ANAPC7: variants seen among roughly 807,000 people sequenced by gnomAD.
The protein encoded by ANAPC7 is anaphase-promoting complex subunit 7.
A neutral mutation model predicts 63.3 loss-of-function variants in ANAPC7; 25 were observed. That is an observed-to-expected ratio of 0.39 (90% CI 0.29 to 0.55). ANAPC7 has a LOEUF of 0.55. ANAPC7 is among the 20% of genes least tolerant of loss of function. The pLI is 0.57. For missense variants in ANAPC7, 516 were observed against 691.7 expected, an observed-to-expected ratio of 0.75 and a Z score of 2.85; for synonymous variants, 241 against 251.7, an observed-to-expected ratio of 0.96 and a Z score of 0.40.
At chr12:110,397,979 CT>C (rs1032471487) in intron 1 of ANAPC7, among the ~76,000 whole-genome samples, 1 of 152,100 alleles carries the variant, frequency 6.6e-6, no homozygotes, top group African/African-American at 2.4e-5. Flanking sequence ...AGCTCAGTAG[CT>C]TGCACCTGTA....
intron 1 of ANAPC7, among the ~76,000 whole-genome samples, chr12:110,401,752 G>C (rs1422730343): frequency 6.6e-6 from 1 of 151,976 alleles, no homozygotes; most frequent in Non-Finnish European, 1.5e-5. Flanking sequence ...TTGGGAGGCC[G>C]AGGCGGGCGG....
At chr12:110,388,326 C>A (rs1224253363) in intron 4 of ANAPC7, among the ~76,000 whole-genome samples, 186 bp downstream of exon 4, 2 of 152,116 alleles carry the variant, frequency 1.3e-5, no homozygotes, top group Non-Finnish European at 2.9e-5. Context: ...TGTAAGCCAC[C>A]ATGCCCGGCC....
chr12:110,401,564 G>A (rs1228803834), intron 1 of ANAPC7, among the ~76,000 whole-genome samples: 1 of 152,094 alleles, frequency 6.6e-6, no homozygotes, highest in Non-Finnish European at 1.5e-5. Flanking sequence ...AAGTACAAGG[G>A]CCCAGAGTAG....
rs1365673474 is a variant in ANAPC7, at chr12:110,381,948, G to A, written c.936C>T (p.Gly312=). ...DQHAEPWVVS[G]CHSFYSKRYS... ...AGCGTTTGCTATAGAAGCTGTGACA[G>A]CTGGAGAAAAAAAAAAAAAAAAAAA... Residue 312 remains glycine, a splice_region_variant and synonymous_variant, in exon 8 of 11, where the codon GGC becomes GGT. Coordinates refer to ENST00000455511, the MANE Select transcript of ANAPC7 (RefSeq NM_016238.3). 2 of 825,780 alleles carry A rather than the reference G, an allele frequency of 2.4e-6. No individual in the cohort carries two copies. Among genetic ancestry groups the A allele is most frequent in the Non-Finnish European group, 3.3e-6 (2 of 603,022 alleles). 51.2% of individuals were successfully genotyped at this position (825,780 alleles called of 1,614,324 possible).
At position 110,395,212 on chromosome 12, in the gene ANAPC7, T is replaced by C. The variant is rs1171215472; in HGVS notation, c.297A>G (p.Pro99=). ...SASTPQSQCL[P]SEIEVKYKMA... is the part of the protein sequence containing the mutation. ...TTTTGTATTTCACTTCAATTTCAGA[T>C]GGAAGACACTAAAAGACAATGGAAA... is the stretch of plus-strand genomic sequence containing the variant. Residue 99 remains proline, a synonymous_variant, in exon 3 of 11, where the codon CCA becomes CCG. Transcript: ENST00000455511. 1.2e-6 allele frequency: 2 copies of C among 1,610,850 alleles called. No homozygotes were observed. Among genetic ancestry groups the C allele is most frequent in the East Asian group, 2.2e-5 (1 of 44,852 alleles).
intron 1 of ANAPC7, 80 bp from the exon 2 acceptor site, chr12:110,396,532 A>T: frequency 8.8e-7 from 1 of 1,134,554 alleles, no homozygotes. Flanking sequence ...TTTTTTTGAA[A>T]TAGATTCTCA....
chr12:110,401,846 C>T (rs926180313), intron 1 of ANAPC7, among the ~76,000 whole-genome samples: 11 of 150,008 alleles, frequency 7.3e-5, no homozygotes, highest in Non-Finnish European at 1.3e-4. Context: ...CGGTGGCGGG[C>T]GCCTGTAGTC....
chr12:110,389,884 A>G (rs1185659896), intron 3 of ANAPC7, among the ~76,000 whole-genome samples: 3 of 151,802 alleles, frequency 2.0e-5, no homozygotes, highest in African/African-American at 7.3e-5. Context: ...GTGAGCCGAG[A>G]TCGTGCCACT....
chr12:110,399,950 C>T (rs1198201360), intron 1 of ANAPC7, among the ~76,000 whole-genome samples: 9 of 151,828 alleles, frequency 5.9e-5, no homozygotes, highest in Admixed American at 5.3e-4. Flanking sequence ...GAAAATTAGC[C>T]AGGCATGGTG....
chr12:110,400,769 G>C (rs2062216458), intron 1 of ANAPC7, among the ~76,000 whole-genome samples: 1 of 151,984 alleles, frequency 6.6e-6, no homozygotes, highest in Non-Finnish European at 1.5e-5. Flanking sequence ...AATGAGGCTG[G>C]GCTCGGTGGC....
At chr12:110,388,686 T>A in intron 3 of ANAPC7, 63 bp from the exon 4 acceptor site, 1 of 1,243,442 alleles carries the variant, frequency 8.0e-7, no homozygotes, top group Non-Finnish European at 1.2e-6. Context: ...TCTCTCACCA[T>A]GAAAAAGTCC....
chr12:110,377,445 C>G lies in ANAPC7; in HGVS notation c.1305G>C (p.Leu435=). 6.2e-7 allele frequency: 1 copy of G among 1,614,136 alleles called. No homozygotes were observed. Among genetic ancestry groups the G allele is most frequent in the South Asian group, 1.1e-5 (1 of 91,076 alleles). The part of the protein sequence containing the change: ...EKAKTLLDKA[L]TQRPDYIKAV... ...CCTTAATGTAATCTGGCCTTTGGGTCAGGGCTTTATCTAATAATGTTTTGG... is the reference window on the plus strand; with the variant it reads ...CCTTAATGTAATCTGGCCTTTGGGTGAGGGCTTTATCTAATAATGTTTTGG... Residue 435 remains leucine, a synonymous_variant, in exon 9 of 11, where the codon CTG becomes CTC. Coordinates refer to ENST00000455511, the MANE Select transcript of ANAPC7 (RefSeq NM_016238.3).
At chr12:110,382,819 A>G in intron 7 of ANAPC7, 24 bp downstream of exon 7, 1 of 1,553,268 alleles carries the variant, frequency 6.4e-7, no homozygotes, top group Non-Finnish European at 8.9e-7. Context: ...ACAACTGGGG[A>G]GAAAAGAGAA....
chr12:110,375,545 G>A, intron 10 of ANAPC7: 1 of 850,106 alleles, frequency 1.2e-6, no homozygotes, highest in Non-Finnish European at 1.4e-6. Flanking sequence ...AGCTTTACAT[G>A]AAATAATCAT....
At chr12:110,380,650 C>CAAA (rs34812107) in intron 8 of ANAPC7, among the ~76,000 whole-genome samples, 6 of 57,042 alleles carry the variant, frequency 1.1e-4, no homozygotes, top group East Asian at 5.5e-4. Flanking sequence ...GACTCTGTCT[C>CAAA]AAAAAAAAAA....
intron 8 of ANAPC7, among the ~76,000 whole-genome samples, chr12:110,380,650 CAA>C (rs34812107): frequency 1.1e-4 from 6 of 57,012 alleles, no homozygotes; most frequent in Admixed American, 2.0e-4. Flanking sequence ...GACTCTGTCT[CAA>C]AAAAAAAAAA....
chr12:110,403,706 A>G lies in ANAPC7; in HGVS notation c.-79T>C. 1 of 1,551,506 alleles carries G rather than the reference A, an allele frequency of 6.4e-7. No individual in the cohort carries two copies. The highest frequency in any genetic ancestry group is 8.7e-7 in the Non-Finnish European group (1 of 1,147,194). On this transcript the variant is annotated 5_prime_UTR_variant, in exon 1 of 11. Coordinates refer to ENST00000455511, the MANE Select transcript of ANAPC7 (RefSeq NM_016238.3). ...AGAGGATCCTTAGGGAAGACTCCAA[A>G]ATGGCGGCGTCGCCGGGGTCCATCG...
At chr12:110,386,816 G>C (rs961131308) in intron 5 of ANAPC7, 12 of 177,478 alleles carry the variant, frequency 6.8e-5, no homozygotes, top group South Asian at 1.5e-4. Flanking sequence ...GTCTCTTCTT[G>C]TCCTTGAACT....
At chr12:110,380,386 C>T (rs999351892) in intron 8 of ANAPC7, among the ~76,000 whole-genome samples, 1 of 150,782 alleles carries the variant, frequency 6.6e-6, no homozygotes, top group South Asian at 2.1e-4. Context: ...GTTGTGGTGG[C>T]TCATGCCTGT....
Sources: allele counts gnomAD v4.1 joint callset (sites outside exome capture counted in the v4.1 genomes callset), GRCh38; gene constraint gnomAD v4.1.1; transcripts MANE v1.5; gene names NCBI Gene and HGNC (gene_info 2026-07-23, HGNC 2026-07-21).